Variants in PTPN1 observed in about 807,000 individuals in gnomAD.
The protein encoded by PTPN1 is protein tyrosine phosphatase non-receptor type 1, also known as tyrosine-protein phosphatase non-receptor type 1.
In PTPN1, 12 loss-of-function variants were observed where a neutral mutation model predicts 59.9. The ratio of observed to expected loss-of-function variants is 0.20; its 90% confidence interval spans 0.13 to 0.32. The LOEUF (loss-of-function observed/expected upper bound fraction) is 0.32. Ranked by LOEUF, PTPN1 falls within the 10% of genes least tolerant of loss-of-function variation. PTPN1 has a pLI of 1.00. For missense variants in PTPN1, 356 were observed against 549.2 expected (o/e 0.65, Z 3.52); for synonymous variants, 178 against 203.6 (o/e 0.87, Z 1.07).
chr20:50,523,467 C>A (rs1295352504), intron 1 of PTPN1, among the ~76,000 whole-genome samples: 2 of 152,194 alleles, frequency 1.3e-5, no homozygotes, highest in African/African-American at 4.8e-5. Flanking sequence ...GAAATTAAAA[C>A]CAACCACTCA....
intron 1 of PTPN1, among the ~76,000 whole-genome samples, chr20:50,546,688 G>T (rs1043566953): frequency 6.6e-6 from 1 of 152,148 alleles, no homozygotes; most frequent in African/African-American, 2.4e-5. Context: ...TCCAAATTGT[G>T]CACCAAAGTA....
chr20:50,539,894 T>A (rs1228722917), intron 1 of PTPN1, among the ~76,000 whole-genome samples: 1 of 151,966 alleles, frequency 6.6e-6, no homozygotes, highest in East Asian at 1.9e-4. Flanking sequence ...CTTTTTTTTT[T>A]AATTTCAGGA....
chr20:50,522,918 TA>T (rs1055357029), intron 1 of PTPN1, among the ~76,000 whole-genome samples: 1 of 116,192 alleles, frequency 8.6e-6, no homozygotes, highest in African/African-American at 3.8e-5. Context: ...GATGCCCGGC[TA>T]ATTTTTTTTT....
chr20:50,564,981 G>A lies in PTPN1; in HGVS notation c.167G>A (p.Arg56Gln). 1.9e-6 allele frequency: 3 copies of A among 1,612,498 alleles called. No homozygotes were observed. Among genetic ancestry groups the A allele is most frequent in the Non-Finnish European group, 2.5e-6 (3 of 1,179,620 alleles). ...YRDVSPFDHSRIKLHQEDNDY... is the reference protein window; with the variant it reads ...YRDVSPFDHSQIKLHQEDNDY... ...GTTTGTCTTTCAGTTGACCATAGTC[G>A]GATTAAACTACATCAAGAAGATAAT... Residue 56 changes from arginine to glutamine, a missense_variant, in exon 3 of 10, where the codon CGG becomes CAG. This residue lies in a region of PTPN1 where 194 missense variants were observed against 344.2 expected (regional missense o/e 0.56). Coordinates refer to ENST00000371621, the MANE Select transcript of PTPN1 (RefSeq NM_002827.4).
intron 1 of PTPN1, among the ~76,000 whole-genome samples, chr20:50,546,393 T>G (rs1405367466): frequency 6.6e-6 from 1 of 152,198 alleles, no homozygotes; most frequent in Admixed American, 6.5e-5. Flanking sequence ...CTTCCCCAGA[T>G]TGTCTTTTTA....
At chr20:50,512,325 C>T (rs1332254972) in intron 1 of PTPN1, among the ~76,000 whole-genome samples, 1 of 152,182 alleles carries the variant, frequency 6.6e-6, no homozygotes, top group East Asian at 1.9e-4. Flanking sequence ...GGAGAGAAGT[C>T]TTTTCCACTG....
chr20:50,530,739 C>T (rs1260207874), intron 1 of PTPN1, among the ~76,000 whole-genome samples: 1 of 150,764 alleles, frequency 6.6e-6, no homozygotes, highest in Non-Finnish European at 1.5e-5. Context: ...GTCACCCAGG[C>T]TGGAGTGCAG....
At chr20:50,537,542 CTT>C (rs2082629493) in intron 1 of PTPN1, among the ~76,000 whole-genome samples, 1 of 152,116 alleles carries the variant, frequency 6.6e-6, no homozygotes, top group Admixed American at 6.6e-5. Flanking sequence ...TTTCAATACT[CTT>C]TTATTATAAA....
rs1297475988 is a variant in PTPN1, at chr20:50,579,703, G to A, written c.865G>A (p.Asp289Asn). 2 of 1,610,518 alleles carry A rather than the reference G, an allele frequency of 1.2e-6. No individual in the cohort carries two copies. Among genetic ancestry groups the A allele is most frequent in the African/African-American group, 1.3e-5 (1 of 74,918 alleles). Residue 289 changes from aspartate (D) to asparagine (N), a missense_variant and splice_region_variant, in exon 8 of 10, where the codon GAT (aspartate) becomes AAT (asparagine). Coordinates refer to ENST00000371621, the MANE Select transcript of PTPN1 (RefSeq NM_002827.4). ...KFIMGDSSVQ[D>N]QWKELSHEDL... Reference sequence around the variant, plus strand: ...GACTTCCTCTTGCTGCTCTTTCAAGGATCAGTGGAAGGAGCTTTCCCACGA... The same window carrying A: ...GACTTCCTCTTGCTGCTCTTTCAAGAATCAGTGGAAGGAGCTTTCCCACGA...
At position 50,565,019 on chromosome 20, in the gene PTPN1, G is replaced by A. The variant is rs2082772432; in HGVS notation, c.205G>A (p.Ala69Thr). ...LHQEDNDYIN[A>T]SLIKMEEAQR... ...TCAAGAAGATAATGACTATATCAAC[G>A]CTAGTTTGATAAAAATGGAAGAAGC... The change falls in exon 3 of 10, where the codon GCT becomes ACT. Residue 69 changes from alanine to threonine, a missense_variant. Ala to Thr is a moderately conservative substitution (Grantham distance 58). Coordinates refer to ENST00000371621, the MANE Select transcript of PTPN1 (RefSeq NM_002827.4). 6.2e-7 allele frequency: 1 copy of A among 1,613,270 alleles called. No individual in the cohort carries two copies.
chr20:50,529,185 C>T (rs1201991831), intron 1 of PTPN1, among the ~76,000 whole-genome samples: 1 of 152,130 alleles, frequency 6.6e-6, no homozygotes, highest in African/African-American at 2.4e-5. Context: ...AGGTAGTTTC[C>T]CTGTGGCTTA....
At chr20:50,581,162 A>G (rs910885443) in intron 8 of PTPN1, 103 bp from the exon 9 acceptor site, 6 of 1,476,240 alleles carry the variant, frequency 4.1e-6, no homozygotes, top group Non-Finnish European at 5.4e-6. Context: ...AACTCTGTCT[A>G]CACGTGGCTT....
chr20:50,559,559 G>A (rs1401859768), intron 1 of PTPN1, among the ~76,000 whole-genome samples: 2 of 152,134 alleles, frequency 1.3e-5, no homozygotes, highest in African/African-American at 2.4e-5. Flanking sequence ...GAAGAGTACT[G>A]GATGGGTCGG....
intron 6 of PTPN1, among the ~76,000 whole-genome samples, 189 bp from the exon 7 acceptor site, chr20:50,578,979 A>G (rs1010132003): frequency 6.6e-6 from 1 of 152,182 alleles, no homozygotes; most frequent in Non-Finnish European, 1.5e-5. Context: ...GCATTGCCTC[A>G]GGGAGGGCAC....
chr20:50,521,477 G>A (rs944176346), intron 1 of PTPN1, among the ~76,000 whole-genome samples: 2 of 152,378 alleles, frequency 1.3e-5, no homozygotes, highest in Non-Finnish European at 2.9e-5. Flanking sequence ...GTCTTCTCCT[G>A]TGTCCTGGAT....
At chr20:50,580,406 G>A (rs2082861486) in intron 8 of PTPN1, among the ~76,000 whole-genome samples, 1 of 152,162 alleles carries the variant, frequency 6.6e-6, no homozygotes, top group Non-Finnish European at 1.5e-5. Context: ...GATATGTGTG[G>A]TGTACTGAGT....
intron 3 of PTPN1, among the ~76,000 whole-genome samples, chr20:50,567,296 G>T (rs369936196): frequency 2.6e-5 from 4 of 152,204 alleles, no homozygotes; most frequent in African/African-American, 9.6e-5. Flanking sequence ...GTGTGGTAGT[G>T]TGCACCTGTA....
chr20:50,574,499 T>G lies in PTPN1; in HGVS notation c.355-18T>G, dbSNP rs1343005802. ...TGCCATATTGCTCACAATAATTCAC[T>G]ATTATTTGTTTCCCCAGTTAAAATG... On this transcript the variant is annotated intron_variant, in intron 4 of 9. Coordinates refer to ENST00000371621, the MANE Select transcript of PTPN1 (RefSeq NM_002827.4). The G allele has an allele frequency of 1.9e-6, 3 of 1,578,950 alleles. No individual in the cohort carries two copies. Among genetic ancestry groups the G allele is most frequent in the Non-Finnish European group, 2.6e-6 (3 of 1,168,204 alleles).
intron 5 of PTPN1, among the ~76,000 whole-genome samples, 163 bp from the exon 6 acceptor site, chr20:50,578,257 G>A (rs2082846840): frequency 6.6e-6 from 1 of 152,172 alleles, no homozygotes; most frequent in East Asian, 1.9e-4. Context: ...TGGCCCCAGG[G>A]TGTGGTATTT....
Sources: gnomAD v4.1 joint callset for allele counts (sites outside exome capture counted in the v4.1 genomes callset) on GRCh38, gnomAD v4.1.1 for gene constraint, gnomAD v4.1.1 regional missense constraint, MANE v1.5 for transcripts, NCBI Gene and HGNC (gene_info 2026-07-23, HGNC 2026-07-21) for gene names.